Variants in SERF2 observed in about 807,000 individuals in gnomAD.
The protein encoded by SERF2 is gastric cancer-related protein VRG107.
Under a neutral mutation model 10.7 loss-of-function variants are expected in SERF2, and 4 were observed. The ratio of observed to expected loss-of-function variants is 0.37; its 90% confidence interval spans 0.18 to 0.86. The LOEUF (loss-of-function observed/expected upper bound fraction) is 0.86, where lower values mean the gene tolerates loss of function less well. Among genes scored for constraint, SERF2 ranks in the 40% least tolerant of loss-of-function variants. The probability of loss-of-function intolerance (pLI) is 0.43; values close to 1 mark genes in which losing one functional copy is unlikely to be tolerated. For missense variants in SERF2, 47 were observed against 79.1 expected, an observed-to-expected ratio of 0.59 and a Z score of 1.54; for synonymous variants, 26 against 26.0, an observed-to-expected ratio of 1.00 and a Z score of 0.01.
At chr15:43,781,891 CTTCTT>C (rs2086968113) in intron 1 of SERF2, among the ~76,000 whole-genome samples, 2 of 65,776 alleles carry the variant, frequency 3.0e-5, no homozygotes, top group Non-Finnish European at 4.6e-5. Flanking sequence ...CCTACTTCTT[CTTCTT>C]TTTTTTTTTT....
chr15:43,787,235 A>G (rs1221173285), intron 2 of SERF2, among the ~76,000 whole-genome samples: 1 of 151,928 alleles, frequency 6.6e-6, no homozygotes, highest in Non-Finnish European at 1.5e-5. Flanking sequence ...TCCTGACCTC[A>G]TGATCAGCCC....
At chr15:43,780,053 C>T (rs1160525508) in intron 1 of SERF2, among the ~76,000 whole-genome samples, 2 of 152,156 alleles carry the variant, frequency 1.3e-5, no homozygotes, top group Non-Finnish European at 2.9e-5. Flanking sequence ...ACATCATAAA[C>T]ATTTTAATAT....
rs2087205337 is a variant in SERF2 at position 43,795,939 on chromosome 15, A to G, written c.*2166A>G. On this transcript the variant is annotated 3_prime_UTR_variant, in exon 3 of 3. Coordinates refer to ENST00000249786, the MANE Select transcript of SERF2 (RefSeq NM_001018108.4). The stretch of plus-strand genomic sequence containing the variant: ...GTGCCTCGATTTCTCCATTTGTAAA[A>G]TGGAGCAAATACCTACCTCACAGGG... 4.7e-6 allele frequency: 3 copies of G among 643,772 alleles called. No individual in the cohort carries two copies. Among genetic ancestry groups the G allele is most frequent in the Admixed American group, 5.9e-5 (2 of 33,752 alleles). 39.9% of individuals were successfully genotyped at this position (643,772 alleles called of 1,614,324 possible).
intron 1 of SERF2, among the ~76,000 whole-genome samples, chr15:43,780,228 C>G (rs112170130): frequency 0.013 from 1,930 of 152,234 alleles, 54 homozygotes; most frequent in African/African-American, 0.045. Flanking sequence ...CAAGCTCTGC[C>G]TCCCAGGTTC....
intron 1 of SERF2, among the ~76,000 whole-genome samples, chr15:43,779,013 C>T (rs2086945423): frequency 6.6e-6 from 1 of 152,132 alleles, no homozygotes; most frequent in Admixed American, 6.5e-5. Context: ...TCCATGTTGA[C>T]GGAAATAATT....
chr15:43,777,221 C>CA (rs2086927750), exon 1 of SERF2: 1 of 541,514 alleles, frequency 1.8e-6, no homozygotes. Context: ...ACCTCTCACT[C>CA]AGAGTCCCCA....
chr15:43,795,110 G>A lies in SERF2; in HGVS notation c.*1337G>A, dbSNP rs752235354. 2 of 1,613,940 alleles carry A rather than the reference G, an allele frequency of 1.2e-6. No homozygotes were observed. The highest frequency in any genetic ancestry group is 3.3e-5 in the Admixed American group (2 of 60,006). On this transcript the variant is annotated 3_prime_UTR_variant, in exon 3 of 3. Coordinates refer to ENST00000249786, the MANE Select transcript of SERF2 (RefSeq NM_001018108.4). ...GGCCAACAGAGTGGTGCCAGTAACA[G>A]CCCCAGATAGAGGAGTACGCAGGCC...
upstream of SERF2, among the ~76,000 whole-genome samples, chr15:43,789,252 C>T (rs1567165862): frequency 6.6e-6 from 1 of 152,114 alleles, no homozygotes; most frequent in Admixed American, 6.6e-5. Context: ...TTGTCACAAC[C>T]CTACCTCCCT....
rs772059515 is a variant in SERF2 at position 43,795,483 on chromosome 15, G to A, written c.*1710G>A. The A allele has an allele frequency of 5.8e-5, 94 of 1,614,082 alleles. No individual in the cohort carries two copies. Among genetic ancestry groups the A allele is most frequent in the Non-Finnish European group, 7.4e-5 (87 of 1,180,030 alleles). On this transcript the variant is annotated 3_prime_UTR_variant, in exon 3 of 3. Coordinates refer to ENST00000249786, the MANE Select transcript of SERF2 (RefSeq NM_001018108.4). ...AGTTGTAGGAAAGATGCTGGACTTG[G>A]ACTGGAGGAGCTGGAGGGGTTTCTT...
intron 2 of SERF2, among the ~76,000 whole-genome samples, chr15:43,786,800 T>A (rs2087010958): frequency 1.3e-5 from 2 of 152,182 alleles, no homozygotes; most frequent in South Asian, 4.1e-4. Context: ...GGTGATAGAC[T>A]AGAGCTGCCA....
intron 1 of SERF2, among the ~76,000 whole-genome samples, chr15:43,780,382 T>C (rs1339682836): frequency 6.6e-6 from 1 of 152,150 alleles, no homozygotes; most frequent in Non-Finnish European, 1.5e-5. Context: ...GACCTCGTGA[T>C]CCGCCCACCT....
chr15:43,793,072 C>T lies in SERF2; in HGVS notation c.105C>T (p.Ala35=), dbSNP rs769702691. 2 of 1,608,896 alleles carry T rather than the reference C, an allele frequency of 1.2e-6. No homozygotes were observed. Among genetic ancestry groups the T allele is most frequent in the Admixed American group, 1.7e-5 (1 of 59,896 alleles). The change falls in exon 2 of 3, where the codon GCC becomes GCT. Residue 35 remains alanine, a synonymous_variant. Transcript: ENST00000249786. ...KRRDDGLSAA[A]RKQRDSEIMQ... Reference sequence around the variant, plus strand: ...GAGATGACGGGCTTTCTGCTGCCGCCCGCAAGCAGAGGTAGCCCCAGGGAG... The same window carrying T: ...GAGATGACGGGCTTTCTGCTGCCGCTCGCAAGCAGAGGTAGCCCCAGGGAG...
chr15:43,792,266 G>A, upstream of SERF2: 1 of 964,232 alleles, frequency 1.0e-6, no homozygotes, highest in Non-Finnish European at 1.7e-6. Flanking sequence ...GGGCGCGAAG[G>A]GGCGGGGAGG....
rs200741760 is a variant in SERF2, at chr15:43,795,460, T to C, written c.*1687T>C. On this transcript the variant is annotated 3_prime_UTR_variant, in exon 3 of 3. Transcript: ENST00000249786. The stretch of plus-strand genomic sequence containing the variant: ...GAAGACGAAGTGGAAGGCAGAATAG[T>C]TGTAGGAAAGATGCTGGACTTGGAC... 6.2e-7 allele frequency: 1 copy of C among 1,614,054 alleles called. No homozygotes were observed. Among genetic ancestry groups the C allele is most frequent in the Non-Finnish European group, 8.5e-7 (1 of 1,180,018 alleles).
At chr15:43,779,927 TTTACA>T (rs1385120887) in intron 1 of SERF2, among the ~76,000 whole-genome samples, 1 of 152,210 alleles carries the variant, frequency 6.6e-6, no homozygotes, top group Non-Finnish European at 1.5e-5. Flanking sequence ...ATATTTTCAT[TTTACA>T]TTACAAGTGT....
upstream of SERF2, among the ~76,000 whole-genome samples, chr15:43,789,598 T>C (rs1159066860): frequency 6.6e-6 from 1 of 152,214 alleles, no homozygotes; most frequent in African/African-American, 2.4e-5. Flanking sequence ...TCATTCAAAT[T>C]ACACTGACAT....
chr15:43,789,385 G>A (rs768130202), upstream of SERF2, among the ~76,000 whole-genome samples: 7 of 152,228 alleles, frequency 4.6e-5, no homozygotes, highest in Admixed American at 1.3e-4. Flanking sequence ...GCCTTCACAC[G>A]TGCTGTTCCC....
At position 43,795,027 on chromosome 15, in the gene SERF2, G is replaced by A. The variant is rs1338368612; in HGVS notation, c.*1254G>A. The A allele has an allele frequency of 1.9e-6, 3 of 1,612,092 alleles. No homozygotes were observed. Among genetic ancestry groups the A allele is most frequent in the East Asian group, 2.2e-5 (1 of 44,882 alleles). ...AGACTGGAGGATATTTGTTATCTGGGGATATGATGCGGTGGCGGCGGCGCC... is the reference window on the plus strand; with the variant it reads ...AGACTGGAGGATATTTGTTATCTGGAGATATGATGCGGTGGCGGCGGCGCC... On this transcript the variant is annotated 3_prime_UTR_variant, in exon 3 of 3. Coordinates refer to ENST00000249786, the MANE Select transcript of SERF2 (RefSeq NM_001018108.4).
chr15:43,793,685 A>G, intron 2 of SERF2, 25 bp from the exon 3 acceptor site: 1 of 1,614,072 alleles, frequency 6.2e-7, no homozygotes, highest in East Asian at 2.2e-5. Flanking sequence ...GGTACCTCCC[A>G]GTGCCCCATC....
Sources: gnomAD v4.1 joint callset for allele counts (sites outside exome capture counted in the v4.1 genomes callset) on GRCh38, gnomAD v4.1.1 for gene constraint, MANE v1.5 for transcripts, NCBI Gene and HGNC (gene_info 2026-07-23, HGNC 2026-07-21) for gene names.